Variants in CBLC observed in about 807,000 individuals in gnomAD.
CBLC encodes the protein Cbl proto-oncogene C.
CBLC carries 46 observed loss-of-function variants against 58.6 expected under a neutral mutation model. The ratio of observed to expected loss-of-function variants is 0.79; its 90% CI spans 0.62 to 1.00. CBLC has a LOEUF of 1.00. Ranked by LOEUF, CBLC falls within the 50% of genes least tolerant of loss-of-function variation. The pLI is 0.00. For missense variants in CBLC, 655 were observed against 625.8 expected, an observed-to-expected ratio of 1.05 and a Z score of -0.50; for synonymous variants, 271 against 264.2, an observed-to-expected ratio of 1.03 and a Z score of -0.25.
chr19:44,793,319 A>G (rs538197226), intron 7 of CBLC, among the ~76,000 whole-genome samples, 155 bp from the exon 8 acceptor site: 1 of 151,882 alleles, frequency 6.6e-6, no homozygotes, highest in African/African-American at 2.4e-5. Flanking sequence ...TTCCCTCCAC[A>G]TTCCTCTGCT....
At chr19:44,791,860 G>A (rs1237406024) in intron 6 of CBLC, among the ~76,000 whole-genome samples, 1 of 151,930 alleles carries the variant, frequency 6.6e-6, no homozygotes, top group Non-Finnish European at 1.5e-5. Context: ...ATAGAGACGG[G>A]GTCTTACTAT....
intron 7 of CBLC, among the ~76,000 whole-genome samples, chr19:44,793,038 G>C (rs763762909): frequency 3.1e-4 from 47 of 152,176 alleles, no homozygotes; most frequent in Non-Finnish European, 4.7e-4. Context: ...TGTAATCCCA[G>C]CTGCTCGGGA....
At chr19:44,799,444 T>C (rs1176554808) in intron 9 of CBLC, among the ~76,000 whole-genome samples, 2 of 152,002 alleles carry the variant, frequency 1.3e-5, no homozygotes, top group East Asian at 3.9e-4. Context: ...ACGATTCTCC[T>C]GCCTCAGCCT....
intron 9 of CBLC, 131 bp from the exon 10 acceptor site, chr19:44,800,250 G>C (rs983026382): frequency 6.2e-6 from 4 of 649,176 alleles, no homozygotes; most frequent in Non-Finnish European, 1.1e-5. Flanking sequence ...CCTCAGCCGC[G>C]CAGGAAGCCA....
rs1024512955 is a variant in CBLC at position 44,785,552 on chromosome 19, A to C, written c.917+1151A>C. Among the ~76,000 whole-genome samples, 16 of 139,288 alleles carry C rather than the reference A, an allele frequency of 1.1e-4. No individual in the cohort carries two copies. The South Asian group carries it at 3.9e-3, about 34-fold the overall frequency. The allele number at this position is 139,288 out of a possible 152,430, so 91.4% of individuals were successfully genotyped here. On this transcript the variant is annotated intron_variant, in intron 5 of 10. Transcript: ENST00000647358. ...GATAGGTAGATAGATAGATAGATAG[A>C]TAGATAGATAGATAGATAGATAGGC...
intron 5 of CBLC, among the ~76,000 whole-genome samples, chr19:44,786,381 G>A (rs1330342720): frequency 6.6e-6 from 1 of 151,662 alleles, no homozygotes; most frequent in Non-Finnish European, 1.5e-5. Context: ...CACGAGGTCA[G>A]GAGATCGAGA....
In CBLC at chr19:44,799,688, TAAAG is replaced by T. The variant is rs562789785; in HGVS notation, c.1363-687_1363-684del. Among the ~76,000 whole-genome samples, 267 of 122,332 alleles carry T rather than the reference TAAAG, an allele frequency of 2.2e-3. 5 individuals are homozygous for T. In the South Asian group the frequency reaches 0.044, roughly 20 times the overall value. 80.3% of individuals were successfully genotyped at this position (122,332 alleles called of 152,430 possible). On this transcript the variant is annotated intron_variant, in intron 9 of 10. Transcript: ENST00000647358. ...GTTGTTTTTAAAAAAGAAAGAAAAGTAAAGAAAGAGAGAGAGAAAGAAAGGGAGA... is the reference window on the plus strand; with the variant it reads ...GTTGTTTTTAAAAAAGAAAGAAAAGTAAAGAGAGAGAGAAAGAAAGGGAGA...
Position 44,781,374 on chromosome 19 carries a change from G to A in CBLC, c.657+11G>A. ...ACCAGGCTCTTTCAGGTCAGGGAAG[G>A]CCAAGGCTGGGAGCTAGACTTGGGT... On this transcript the variant is annotated intron_variant, in intron 3 of 10. Transcript: ENST00000647358. The A allele has an allele frequency of 6.2e-7, 1 of 1,605,130 alleles. No homozygotes were observed. The highest frequency in any genetic ancestry group is 8.5e-7 in the Non-Finnish European group (1 of 1,178,942).
Position 44,778,159 on chromosome 19 carries a change from TG to T in CBLC, c.232del (p.Asp78ThrfsTer201). On this transcript the variant is annotated frameshift_variant, in exon 1 of 11. Coordinates refer to ENST00000647358, the MANE Select transcript of CBLC (RefSeq NM_012116.4). LOFTEE classifies it high-confidence loss of function. ...GCGGCCCCGGGGGTCCCGGCGGCTC[TG>T]GGGACTTTCTACTCATCTACCTGGC... is the stretch of plus-strand genomic sequence containing the variant. ...GGGPGGPGGS[G>X]DFLLIYLANL... The T allele has an allele frequency of 6.4e-7, 1 of 1,568,628 alleles. No homozygotes were observed. The highest frequency in any genetic ancestry group is 1.9e-5 in the Admixed American group (1 of 52,162).
intron 9 of CBLC, among the ~76,000 whole-genome samples, chr19:44,795,204 G>A (rs10420519): frequency 2.0e-5 from 3 of 151,338 alleles, no homozygotes; most frequent in African/African-American, 2.4e-5. Flanking sequence ...CTGATCCACC[G>A]CCTTGGCCTC....
intron 9 of CBLC, among the ~76,000 whole-genome samples, chr19:44,794,959 CTT>C (rs35703201): frequency 0.076 from 10,315 of 136,170 alleles, 398 homozygotes; most frequent in South Asian, 0.12. Context: ...AATCCCAGTA[CTT>C]TTTTTTTTTT....
rs778923243 is a variant in CBLC, at chr19:44,778,143, G to T, written c.212G>T (p.Gly71Val). The T allele has an allele frequency of 6.3e-7, 1 of 1,590,350 alleles. No individual in the cohort carries two copies. Among genetic ancestry groups the T allele is most frequent in the Non-Finnish European group, 8.5e-7 (1 of 1,171,926 alleles). ...SRRAAGGGGP[G>V]GPGGSGDFLL... ...CGGGCGGCCGGCGGAGGCGGCCCCG[G>T]GGGTCCCGGCGGCTCTGGGGACTTT... is the stretch of plus-strand genomic sequence containing the variant. The change falls in exon 1 of 11, where the codon GGG (glycine) becomes GTG (valine). Residue 71 changes from glycine (G) to valine (V), a missense_variant. By Grantham distance (109) the Gly-to-Val change is moderately radical. Transcript: ENST00000647358.
chr19:44,779,150 A>C (rs1409370220), intron 1 of CBLC, among the ~76,000 whole-genome samples: 1 of 152,166 alleles, frequency 6.6e-6, no homozygotes, highest in Non-Finnish European at 1.5e-5. Flanking sequence ...AGTTTTCTAG[A>C]TGTGTGCACA....
intron 5 of CBLC, among the ~76,000 whole-genome samples, chr19:44,787,258 G>C (rs980600025): frequency 1.3e-5 from 2 of 151,892 alleles, no homozygotes; most frequent in African/African-American, 4.8e-5. Context: ...GCTGGGCGCA[G>C]TGGCGGGCGT....
rs111648890 is a variant in CBLC at position 44,781,141 on chromosome 19, G to A, written c.501-66G>A. The A allele has an allele frequency of 5.6e-3, 8,756 of 1,573,870 alleles. 391 individuals carry two copies. The African/African-American group carries it at 0.1, about 18-fold the overall frequency. On this transcript the variant is annotated intron_variant, in intron 2 of 10. Transcript: ENST00000647358. ...CCAGGCCCACAGCTGCTTCTTTCCTGGAGACCCTCCCATCATAGGCTCTGG... is the reference window on the plus strand; with the variant it reads ...CCAGGCCCACAGCTGCTTCTTTCCTAGAGACCCTCCCATCATAGGCTCTGG...
intron 5 of CBLC, among the ~76,000 whole-genome samples, chr19:44,786,205 C>G (rs1459709891): frequency 3.3e-5 from 5 of 151,872 alleles, no homozygotes; most frequent in African/African-American, 1.2e-4. Context: ...GTAGCTAGGA[C>G]TACAGGTGCA....
chr19:44,778,727 G>A (rs189413946), intron 1 of CBLC, among the ~76,000 whole-genome samples: 13 of 66,428 alleles, frequency 2.0e-4, no homozygotes, highest in African/African-American at 1.0e-3. Flanking sequence ...TCAGACCCAG[G>A]AACTCAGGCC....
intron 1 of CBLC, 152 bp from the exon 2 acceptor site, chr19:44,780,753 G>A (rs1170035348): frequency 3.7e-5 from 29 of 788,996 alleles, no homozygotes; most frequent in African/African-American, 1.0e-4. Context: ...GATTACAGGC[G>A]TGAGCCACCA....
At position 44,780,999 on chromosome 19, in the gene CBLC, C is replaced by G; in HGVS notation, c.448C>G (p.Gln150Glu). ...GGGAAAGTACTGTGGACACATGTAC[C>G]AGCTCACCAAGGCCCCCGCCCACAC... ...PGGKYCGHMY[Q>E]LTKAPAHTFW... Residue 150 changes from glutamine to glutamate, a missense_variant, in exon 2 of 11, where the codon CAG becomes GAG. Gln to Glu is a conservative substitution (Grantham distance 29). This residue lies in a region of CBLC where 280 missense variants were observed against 237.2 expected (regional missense o/e 1.18). Coordinates refer to ENST00000647358, the MANE Select transcript of CBLC (RefSeq NM_012116.4). The G allele has an allele frequency of 1.2e-6, 2 of 1,613,550 alleles. No homozygotes were observed. Among genetic ancestry groups the G allele is most frequent in the Non-Finnish European group, 1.7e-6 (2 of 1,179,986 alleles).
Sources: gnomAD v4.1 joint callset for allele counts (sites outside exome capture counted in the v4.1 genomes callset) on GRCh38, gnomAD v4.1.1 for gene constraint, gnomAD v4.1.1 regional missense constraint, MANE v1.5 for transcripts, NCBI Gene and HGNC (gene_info 2026-07-23, HGNC 2026-07-21) for gene names.